SLC15A1: variants seen among roughly 807,000 people sequenced by gnomAD.
The protein encoded by SLC15A1 is solute carrier family 15 member 1, also known as Caco-2 oligopeptide transporter.
Under a neutral mutation model 92.9 loss-of-function variants are expected in SLC15A1, and 83 were observed. That is an observed-to-expected ratio of 0.89 (90% confidence interval 0.75 to 1.07). The LOEUF is 1.07. Among genes scored for constraint, SLC15A1 ranks in the 50% least tolerant of loss-of-function variants. The pLI is 0.00. For synonymous variants in SLC15A1, 322 were observed against 318.2 expected (o/e 1.01, Z -0.13); for missense variants, 857 against 880.1 (o/e 0.97, Z 0.33).
Position 98,709,658 on chromosome 13 carries a change from G to T in SLC15A1, c.981C>A (p.Thr327=), listed in dbSNP as rs578118415. The T allele has an allele frequency of 1.2e-6, 2 of 1,614,106 alleles. No homozygotes were observed. Among genetic ancestry groups the T allele is most frequent in the Admixed American group, 3.3e-5 (2 of 60,006 alleles). ...ALEIQPDQMQ[T]VNAILIVIMV... is the part of the protein sequence containing the mutation. ...TGATCACGATCAGGATGGCGTTCAC[G>T]GTCTGCAGAGGAAGTGGAGGAGAAA... Residue 327 remains threonine (T), a splice_region_variant and synonymous_variant, in exon 14 of 23, where the codon ACC becomes ACA. Coordinates refer to ENST00000376503, the MANE Select transcript of SLC15A1 (RefSeq NM_005073.4).
chr13:98,686,057 G>T, intron 22 of SLC15A1, 133 bp downstream of exon 22: 3 of 673,426 alleles, frequency 4.5e-6, no homozygotes, highest in Non-Finnish European at 8.1e-6. Context: ...AACAGCCCTG[G>T]CTGGTCTGGC....
Position 98,721,488 on chromosome 13 carries a change from C to T in SLC15A1, c.556+7G>A, listed in dbSNP as rs778087261. ...ACCAACAGAAGTTCCTTTCAGGTAT[C>T]TCTTACCTCTGAGCATGGGTGTGAT... On this transcript the variant is annotated splice_region_variant and intron_variant, in intron 7 of 22. Coordinates refer to ENST00000376503, the MANE Select transcript of SLC15A1 (RefSeq NM_005073.4). 4 of 1,605,648 alleles carry T rather than the reference C, an allele frequency of 2.5e-6. No homozygotes were observed. The African/African-American group carries it at 4.0e-5, about 16-fold the overall frequency.
In SLC15A1 at chr13:98,721,250, G is replaced by C. The variant is rs902581143; in HGVS notation, c.556+245C>G. 4 of 643,024 alleles carry C rather than the reference G, an allele frequency of 6.2e-6. No homozygotes were observed. In the African/African-American group the frequency reaches 7.2e-5, roughly 12 times the overall value. The allele number at this position is 643,024 out of a possible 1,614,324, so 39.8% of individuals were successfully genotyped here. ...TGCATGAATAACAGTTTAGGAAGAT[G>C]GATGCCCATGCTAAGGATGGCTTAG... is the stretch of plus-strand genomic sequence containing the variant. On this transcript the variant is annotated intron_variant, in intron 7 of 22. Coordinates refer to ENST00000376503, the MANE Select transcript of SLC15A1 (RefSeq NM_005073.4).
chr13:98,692,691 G>A (rs2087989918), intron 18 of SLC15A1, among the ~76,000 whole-genome samples: 1 of 152,108 alleles, frequency 6.6e-6, no homozygotes, highest in African/African-American at 2.4e-5. Context: ...TTTTCAAAGT[G>A]GCTGTACCAT....
intron 15 of SLC15A1, among the ~76,000 whole-genome samples, 155 bp downstream of exon 15, chr13:98,708,531 C>A (rs113618849): frequency 6.6e-6 from 1 of 152,120 alleles, no homozygotes; most frequent in South Asian, 2.1e-4. Context: ...TACCCTCACA[C>A]CCATGGTGCC....
chr13:98,694,535 A>C lies in SLC15A1; in HGVS notation c.1467-5958T>G, dbSNP rs1179744332. 5.3e-5 allele frequency among the ~76,000 whole-genome samples: 8 copies of C among 152,348 alleles called. No homozygotes were observed. In the Middle Eastern group the frequency reaches 0.01, roughly 194 times the overall value. ...TGCATGCTCAAAATATTTTCATTAC[A>C]TGTGACAAAAAGTTTTAAAGAAATC... On this transcript the variant is annotated intron_variant, in intron 18 of 22. Coordinates refer to ENST00000376503, the MANE Select transcript of SLC15A1 (RefSeq NM_005073.4).
chr13:98,704,987 A>G (rs1389016722), intron 16 of SLC15A1, among the ~76,000 whole-genome samples: 1 of 151,770 alleles, frequency 6.6e-6, no homozygotes, highest in Non-Finnish European at 1.5e-5. Context: ...TCTCTTGAGG[A>G]CGGGAGTTTG....
intron 7 of SLC15A1, 187 bp downstream of exon 7, chr13:98,721,295 GATAAGGGATTTAA>G (rs1566452766): frequency 1.4e-6 from 1 of 692,566 alleles, no homozygotes; most frequent in Admixed American, 2.0e-5. Flanking sequence ...TGGTCACTGG[GATAAGGGATTTAA>G]ATAAGACAAA....
intron 1 of SLC15A1, among the ~76,000 whole-genome samples, chr13:98,733,379 A>G (rs2088365488): frequency 6.6e-6 from 1 of 152,178 alleles, no homozygotes; most frequent in African/African-American, 2.4e-5. Context: ...GCCACATTTT[A>G]TTTGTTGGTA....
intron 17 of SLC15A1, 29 bp from the exon 18 acceptor site, chr13:98,702,558 A>G: frequency 6.5e-7 from 1 of 1,539,886 alleles, no homozygotes; most frequent in South Asian, 1.1e-5. Context: ...ATGTAAAAAT[A>G]TTTTCAAAAT....
chr13:98,734,512 A>T (rs994496396), intron 1 of SLC15A1, among the ~76,000 whole-genome samples: 4 of 152,180 alleles, frequency 2.6e-5, no homozygotes, highest in Admixed American at 1.3e-4. Flanking sequence ...GGGTCGGGTC[A>T]GGGGATTTCC....
chr13:98,748,817 C>T (rs1261990131), intron 1 of SLC15A1, among the ~76,000 whole-genome samples: 1 of 152,088 alleles, frequency 6.6e-6, no homozygotes, highest in Non-Finnish European at 1.5e-5. Context: ...GTTCTCAAAG[C>T]GTGGGCCTGG....
intron 8 of SLC15A1, among the ~76,000 whole-genome samples, chr13:98,717,784 T>C (rs1052302922): frequency 2.6e-5 from 4 of 152,018 alleles, no homozygotes; most frequent in Non-Finnish European, 5.9e-5. Context: ...AAAACAAAAA[T>C]TGGAGAGAGA....
At chr13:98,701,687 T>C (rs2088068247) in intron 18 of SLC15A1, among the ~76,000 whole-genome samples, 1 of 144,072 alleles carries the variant, frequency 6.9e-6, no homozygotes, top group African/African-American at 2.8e-5. Flanking sequence ...TTTTTTTTTT[T>C]TGAGACAGAG....
intron 1 of SLC15A1, among the ~76,000 whole-genome samples, chr13:98,736,695 C>A (rs1289240944): frequency 2.0e-5 from 3 of 152,214 alleles, no homozygotes; most frequent in Non-Finnish European, 4.4e-5. Flanking sequence ...TATGAACAGA[C>A]ACTTCTCAAA....
chr13:98,721,723 G>A (rs2088260231), intron 6 of SLC15A1, 81 bp downstream of exon 6: 7 of 1,401,954 alleles, frequency 5.0e-6, no homozygotes. Context: ...ATCCGATGTA[G>A]AACAGACTTT....
At position 98,706,634 on chromosome 13, in the gene SLC15A1, C is replaced by T. The variant is rs865900040; in HGVS notation, c.1150-381G>A. Among the ~76,000 whole-genome samples the T allele has an allele frequency of 5.9e-5, 9 of 152,310 alleles. 1 individual carries two copies. The South Asian group carries it at 1.5e-3, about 25-fold the overall frequency. ...TGGTTTTATAAGGGAAAACCCCTTT[C>T]GCTTGGCTCTCTTTCTCTTTTTGCC... On this transcript the variant is annotated intron_variant, in intron 15 of 22. Transcript: ENST00000376503.
intron 18 of SLC15A1, among the ~76,000 whole-genome samples, chr13:98,701,246 A>C (rs2088064273): frequency 1.3e-5 from 2 of 152,180 alleles, no homozygotes; most frequent in South Asian, 4.1e-4. Context: ...CAAATCCTGC[A>C]CATTTTGTTA....
At chr13:98,686,366 G>A (rs180791734) in intron 21 of SLC15A1, 69 bp from the exon 22 acceptor site, 8 of 1,072,070 alleles carry the variant, frequency 7.5e-6, no homozygotes, top group East Asian at 5.1e-5. Context: ...ACAGCTCACC[G>A]ATGGGCGTTT....
Sources: allele counts gnomAD v4.1 joint callset (sites outside exome capture counted in the v4.1 genomes callset), GRCh38; gene constraint gnomAD v4.1.1; transcripts MANE v1.5; gene names NCBI Gene and HGNC (gene_info 2026-07-23, HGNC 2026-07-21).